YBX3: variants seen among roughly 807,000 people sequenced by gnomAD.
YBX3 encodes the protein Y-box-binding protein 3.
YBX3 carries 29 observed loss-of-function variants against 42.4 expected under a neutral mutation model. That is an observed-to-expected ratio of 0.68 (90% CI 0.51 to 0.93). The LOEUF is 0.93. YBX3 is among the 40% of genes least tolerant of loss of function. The pLI, the probability that YBX3 is intolerant of heterozygous loss-of-function variation, is 0.00. For missense variants in YBX3, 517 were observed against 527.5 expected, an observed-to-expected ratio of 0.98 and a Z score of 0.19; for synonymous variants, 195 against 189.8, an observed-to-expected ratio of 1.03 and a Z score of -0.22.
chr12:10,710,959 T>G (rs943713703), intron 5 of YBX3: 3 of 159,878 alleles, frequency 1.9e-5, no homozygotes, highest in Non-Finnish European at 4.1e-5. Flanking sequence ...TCTAGAATCC[T>G]CAATAACATG....
rs1343177431 is a variant in YBX3 at position 10,722,761 on chromosome 12, G to A, written c.262+89C>T. The A allele has an allele frequency of 6.9e-6, 8 of 1,167,286 alleles. No individual in the cohort carries two copies. In the East Asian group the frequency reaches 1.9e-4, roughly 28 times the overall value. 72.3% of individuals were successfully genotyped at this position (1,167,286 alleles called of 1,614,324 possible). A position where few individuals can be genotyped will look rare whatever the true frequency, so the allele number is the denominator to read the frequency against. Reference sequence around the variant, plus strand: ...CTGTCAGCGTCTCCAGCCCGGGTGGGAGATGTAGCGCGAGCTGCCCACACG... The same window carrying A: ...CTGTCAGCGTCTCCAGCCCGGGTGGAAGATGTAGCGCGAGCTGCCCACACG... On this transcript the variant is annotated intron_variant, in intron 1 of 9. Transcript: ENST00000228251.
chr12:10,703,422 C>T (rs893696849), intron 7 of YBX3: 8 of 188,790 alleles, frequency 4.2e-5, no homozygotes, highest in Non-Finnish European at 6.8e-5. Flanking sequence ...AATAACCCAG[C>T]GTTCACTAAT....
At position 10,723,226 on chromosome 12, in the gene YBX3, G is replaced by C; in HGVS notation, c.-115C>G. 1.7e-6 allele frequency: 2 copies of C among 1,168,624 alleles called. No homozygotes were observed. The highest frequency in any genetic ancestry group is 1.1e-6 in the Non-Finnish European group (1 of 947,216). The allele number at this position is 1,168,624 out of a possible 1,614,324, so 72.4% of individuals were successfully genotyped here. On this transcript the variant is annotated 5_prime_UTR_variant, in exon 1 of 10. Transcript: ENST00000228251. ...TCTCGGGGAGGCCGGGGCGGATCTC[G>C]CGGCGCAGGCGGCGGCGGCCGAGGT...
intron 6 of YBX3, among the ~76,000 whole-genome samples, chr12:10,708,167 C>A (rs1205561660): frequency 6.6e-6 from 1 of 152,160 alleles, no homozygotes; most frequent in African/African-American, 2.4e-5. Flanking sequence ...TCAAAGACAA[C>A]AAGCACATAG....
chr12:10,705,192 C>T (rs1332148124), intron 6 of YBX3, among the ~76,000 whole-genome samples: 2 of 152,162 alleles, frequency 1.3e-5, no homozygotes. Context: ...CTCCCTGGTT[C>T]AAGCGATTCT....
At chr12:10,715,554 A>T in intron 4 of YBX3, 140 bp downstream of exon 4, 1 of 787,300 alleles carries the variant, frequency 1.3e-6, no homozygotes, top group South Asian at 1.6e-5. Flanking sequence ...AAAAAAAAAA[A>T]AAATTCTGTT....
chr12:10,723,236 C>G lies in YBX3; in HGVS notation c.-125G>C. The G allele has an allele frequency of 8.7e-7, 1 of 1,154,846 alleles. No homozygotes were observed. The highest frequency in any genetic ancestry group is 1.1e-6 in the Non-Finnish European group (1 of 937,150). The allele number at this position is 1,154,846 out of a possible 1,614,324, so 71.5% of individuals were successfully genotyped here. A position where few individuals can be genotyped will look rare whatever the true frequency, so the allele number is the denominator to read the frequency against. ...GCCGGGGCGGATCTCGCGGCGCAGG[C>G]GGCGGCGGCCGAGGTGGGGTCGCGC... On this transcript the variant is annotated 5_prime_UTR_variant, in exon 1 of 10. Transcript: ENST00000228251.
rs1285897243 is a variant in YBX3, at chr12:10,713,011, C to T, written c.573+200G>A. ...ACTTATTCATGTAACTAATCACCAC[C>T]GGTTTCCCAAAAACCTATGGAAATC... On this transcript the variant is annotated intron_variant, in intron 5 of 9. Coordinates refer to ENST00000228251, the MANE Select transcript of YBX3 (RefSeq NM_003651.5). 1.5e-5 allele frequency: 10 copies of T among 659,932 alleles called. No homozygotes were observed. The South Asian group carries it at 1.7e-4, about 11-fold the overall frequency. 40.9% of individuals were successfully genotyped at this position (659,932 alleles called of 1,614,324 possible).
At position 10,710,062 on chromosome 12, in the gene YBX3, G is replaced by C; in HGVS notation, c.626C>G (p.Pro209Arg). 1.2e-6 allele frequency: 2 copies of C among 1,614,110 alleles called. No homozygotes were observed. Among genetic ancestry groups the C allele is most frequent in the Non-Finnish European group, 1.7e-6 (2 of 1,179,996 alleles). ...AGAGAACTGCCTATCAGTGGCAGGG[G>C]GGTCAAATCCTTCACTGCTGCCGCT... ...EGSGSSEGFD[P>R]PATDRQFSGA... Residue 209 changes from proline (P) to arginine (R), a missense_variant, in exon 6 of 10, where the codon CCC (proline) becomes CGC (arginine). Coordinates refer to ENST00000228251, the MANE Select transcript of YBX3 (RefSeq NM_003651.5).
intron 1 of YBX3, among the ~76,000 whole-genome samples, chr12:10,721,139 G>T (rs1948320111): frequency 6.6e-6 from 1 of 152,222 alleles, no homozygotes; most frequent in Non-Finnish European, 1.5e-5. Context: ...CTTGGCAAAG[G>T]AAAGGGGATG....
intron 7 of YBX3, 85 bp from the exon 8 acceptor site, chr12:10,702,219 T>C: frequency 2.9e-6 from 4 of 1,398,944 alleles, no homozygotes; most frequent in Non-Finnish European, 3.8e-6. Context: ...TTTTTAAAAA[T>C]TAAAAAGTCA....
At chr12:10,708,316 C>T (rs1270447729) in intron 6 of YBX3, among the ~76,000 whole-genome samples, 2 of 125,314 alleles carry the variant, frequency 1.6e-5, no homozygotes, top group Non-Finnish European at 3.8e-5. Context: ...CTATATATTC[C>T]TATTTTTTTT....
chr12:10,699,314 T>C lies in YBX3; in HGVS notation c.*375A>G, dbSNP rs1429213282. The C allele has an allele frequency of 6.6e-6, 1 of 152,532 alleles. No homozygotes were observed. Among genetic ancestry groups the C allele is most frequent in the Admixed American group, 6.5e-5 (1 of 15,278 alleles). 9.4% of individuals were successfully genotyped at this position (152,532 alleles called of 1,614,324 possible). Reference sequence around the variant, plus strand: ...ATTTACTATATATTTCAGATTTCTTTGGTTGGGGTTCTCCCCATGTGGTAT... The same window carrying C: ...ATTTACTATATATTTCAGATTTCTTCGGTTGGGGTTCTCCCCATGTGGTAT... On this transcript the variant is annotated 3_prime_UTR_variant, in exon 10 of 10. Transcript: ENST00000228251.
At chr12:10,713,387 CAA>C in intron 4 of YBX3, 54 bp from the exon 5 acceptor site, 1 of 1,585,068 alleles carries the variant, frequency 6.3e-7, no homozygotes, top group Non-Finnish European at 8.5e-7. Flanking sequence ...TACACTAACT[CAA>C]AAAACAGCCT....
intron 6 of YBX3, among the ~76,000 whole-genome samples, chr12:10,709,352 A>C (rs1948172273): frequency 6.6e-6 from 1 of 152,246 alleles, no homozygotes; most frequent in South Asian, 2.1e-4. Context: ...AGGAGAATCA[A>C]TAATCAACAA....
In YBX3 at chr12:10,704,252, G is replaced by A. The variant is rs138513260; in HGVS notation, c.781-104C>T. On this transcript the variant is annotated intron_variant, in intron 6 of 9. Transcript: ENST00000228251. ...TTTTTTTAGAAGTAAAAAACAAAAT[G>A]CTTCATTACAAAATTAGGCACTCTC... is the stretch of plus-strand genomic sequence containing the variant. 678 of 828,010 alleles carry A rather than the reference G, an allele frequency of 8.2e-4. 2 individuals carry two copies. The African/African-American group carries it at 0.01, about 13-fold the overall frequency. The allele number at this position is 828,010 out of a possible 1,614,324, so 51.3% of individuals were successfully genotyped here. A position where few individuals can be genotyped will look rare whatever the true frequency, so the allele number is the denominator to read the frequency against.
chr12:10,717,619 G>A (rs1181565532), intron 3 of YBX3: 1 of 152,418 alleles, frequency 6.6e-6, no homozygotes, highest in Non-Finnish European at 1.5e-5. Flanking sequence ...GCTACCCTGG[G>A]AACTGGAAGT....
rs1359991473 is a variant in YBX3 at position 10,723,007 on chromosome 12, C to G, written c.105G>C (p.Pro35=). The G allele has an allele frequency of 8.3e-7, 1 of 1,208,804 alleles. No individual in the cohort carries two copies. The highest frequency in any genetic ancestry group is 1.0e-6 in the Non-Finnish European group (1 of 975,436). The allele number at this position is 1,208,804 out of a possible 1,614,324, so 74.9% of individuals were successfully genotyped here. ...AAPQDPAPKS[P]VGSGAPQAAA... is the part of the protein sequence containing the mutation. ...CGGCCTGGGGCGCACCGCTGCCCACCGGGCTCTTGGGCGCGGGGTCCTGGG... is the reference window on the plus strand; with the variant it reads ...CGGCCTGGGGCGCACCGCTGCCCACGGGGCTCTTGGGCGCGGGGTCCTGGG... Residue 35 remains proline, a synonymous_variant, in exon 1 of 10, where the codon CCG becomes CCC. Transcript: ENST00000228251.
intron 2 of YBX3, among the ~76,000 whole-genome samples, chr12:10,718,824 T>A (rs150508551): frequency 6.2e-4 from 95 of 152,310 alleles, no homozygotes; most frequent in African/African-American, 2.1e-3. Flanking sequence ...CCTAAGGCCC[T>A]TCCCATTTCT....
Sources: allele counts gnomAD v4.1 joint callset (sites outside exome capture counted in the v4.1 genomes callset), GRCh38; gene constraint gnomAD v4.1.1; transcripts MANE v1.5; gene names NCBI Gene and HGNC (gene_info 2026-07-23, HGNC 2026-07-21).